Variants in MED13L observed in about 807,000 individuals in gnomAD.
MED13L encodes mediator complex subunit 13L, also known as mediator of RNA polymerase II transcription subunit 13-like.
Under a neutral mutation model 220.9 loss-of-function variants are expected in MED13L, and 7 were observed. The ratio of observed to expected loss-of-function variants is 0.03; its 90% CI spans 0.02 to 0.06. The LOEUF is 0.06. MED13L is among the 10% of genes least tolerant of loss of function. The pLI is 1.00. For synonymous variants in MED13L, 1,011 were observed against 1,015.2 expected (o/e 1.00, Z 0.08); for missense variants, 1,965 against 2,760.5 (o/e 0.71, Z 6.46).
chr12:116,020,921 CAA>C (rs1880023735), intron 5 of MED13L, among the ~76,000 whole-genome samples: 1 of 152,030 alleles, frequency 6.6e-6, no homozygotes, highest in African/African-American at 2.4e-5. Flanking sequence ...TCACATCAAT[CAA>C]GAGAGAGACA....
chr12:116,040,029 G>C (rs1485505103), intron 4 of MED13L, among the ~76,000 whole-genome samples: 1 of 152,168 alleles, frequency 6.6e-6, no homozygotes, highest in Non-Finnish European at 1.5e-5. Context: ...CTTCTTTTAA[G>C]GGGGATGGGA....
intron 1 of MED13L, among the ~76,000 whole-genome samples, chr12:116,247,655 C>G (rs183705460): frequency 2.6e-5 from 4 of 152,134 alleles, no homozygotes; most frequent in African/African-American, 7.2e-5. Context: ...TGGTATTCCT[C>G]CATACAATGA....
chr12:116,237,375 C>T, intron 2 of MED13L, 93 bp downstream of exon 2: 1 of 1,038,392 alleles, frequency 9.6e-7, no homozygotes, highest in Non-Finnish European at 1.5e-6. Flanking sequence ...TAAGATCGTT[C>T]TTTTAGACAA....
At chr12:115,997,371 G>C (rs1878470452) in intron 14 of MED13L, 141 bp from the exon 15 acceptor site, 1 of 688,744 alleles carries the variant, frequency 1.5e-6, no homozygotes, top group Admixed American at 2.6e-5. Context: ...ATTAATAATG[G>C]AAGTGACTAA....
chr12:116,221,585 A>C (rs1868444085), intron 2 of MED13L, among the ~76,000 whole-genome samples: 2 of 152,112 alleles, frequency 1.3e-5, no homozygotes, highest in Non-Finnish European at 2.9e-5. Flanking sequence ...TCAAACCTTC[A>C]TTCATTCCTA....
At chr12:116,125,951 AAGAC>A (rs1190815583) in intron 2 of MED13L, among the ~76,000 whole-genome samples, 5 of 152,224 alleles carry the variant, frequency 3.3e-5, no homozygotes, top group African/African-American at 9.6e-5. Context: ...CAACTTTTAA[AAGAC>A]AGAATGTACA....
In MED13L at chr12:116,033,747, A is replaced by AGTGTGT. The variant is rs78671683; in HGVS notation, c.480-11152_480-11147dup. Among the ~76,000 whole-genome samples, 307 of 151,286 alleles carry AGTGTGT rather than the reference A, an allele frequency of 2.0e-3. 2 individuals are homozygous for AGTGTGT. Among genetic ancestry groups the AGTGTGT allele is most frequent in the Middle Eastern group, 3.4e-3 (1 of 294 alleles). The stretch of plus-strand genomic sequence containing the variant: ...TTGGTTCTCTAAAGTATGAATCATG[A>AGTGTGT]GTGTGTGTGTGTGTGTATGTGTGTA... On this transcript the variant is annotated intron_variant, in intron 4 of 30. Transcript: ENST00000281928.
chr12:116,125,875 T>A (rs1875543139), intron 2 of MED13L, among the ~76,000 whole-genome samples: 1 of 151,588 alleles, frequency 6.6e-6, no homozygotes, highest in Admixed American at 6.6e-5. Flanking sequence ...CATAAACAAC[T>A]ATGGTTTACA....
chr12:115,974,878 G>A (rs1378328710), intron 25 of MED13L, among the ~76,000 whole-genome samples: 1 of 152,042 alleles, frequency 6.6e-6, no homozygotes, highest in Non-Finnish European at 1.5e-5. Flanking sequence ...TCTTCTCCCT[G>A]ATTCAATATA....
In MED13L at chr12:116,215,955, TG is replaced by T. The variant is rs1487556663; in HGVS notation, c.310+21512del. ...GATCCACTAATGGTCTACTGAATGG[TG>T]GTAATGTATTAACCCAGTATTCAAG... is the stretch of plus-strand genomic sequence containing the variant. On this transcript the variant is annotated intron_variant, in intron 2 of 30. Transcript: ENST00000281928. Among the ~76,000 whole-genome samples the T allele has an allele frequency of 2.6e-5, 4 of 152,224 alleles. No individual in the cohort carries two copies. The East Asian group carries it at 7.7e-4, about 29-fold the overall frequency.
intron 23 of MED13L, among the ~76,000 whole-genome samples, chr12:115,979,095 G>A (rs2137258027): frequency 6.6e-6 from 1 of 152,274 alleles, no homozygotes; most frequent in East Asian, 1.9e-4. Flanking sequence ...AGGCAGCATT[G>A]ACCAACTAAC....
intron 7 of MED13L, among the ~76,000 whole-genome samples, chr12:116,018,293 A>G (rs564382554): frequency 1.3e-5 from 2 of 152,314 alleles, no homozygotes; most frequent in South Asian, 4.1e-4. Context: ...CTTTTCCCCA[A>G]TATCTTCTTT....
chr12:116,052,577 A>G (rs1170067381), intron 4 of MED13L, among the ~76,000 whole-genome samples: 2 of 152,272 alleles, frequency 1.3e-5, no homozygotes, highest in African/African-American at 4.8e-5. Context: ...TTTGTGGGGG[A>G]AAAGTTGGAA....
intron 3 of MED13L, among the ~76,000 whole-genome samples, chr12:116,107,837 A>G (rs1350940318): frequency 6.6e-6 from 1 of 152,298 alleles, no homozygotes; most frequent in East Asian, 1.9e-4. Context: ...CATGCCTGCA[A>G]TCCCAACTCT....
intron 2 of MED13L, among the ~76,000 whole-genome samples, chr12:116,145,663 T>C (rs1172260677): frequency 9.6e-6 from 1 of 104,452 alleles, no homozygotes; most frequent in Non-Finnish European, 1.7e-5. Context: ...TCAACTCTAT[T>C]TATTTATTTA....
At chr12:116,231,793 A>C (rs1212103823) in intron 2 of MED13L, among the ~76,000 whole-genome samples, 2 of 152,178 alleles carry the variant, frequency 1.3e-5, no homozygotes, top group Non-Finnish European at 2.9e-5. Context: ...AAATTGCCTC[A>C]AATAGTTTAG....
chr12:116,104,338 G>GC (rs1420303439), intron 3 of MED13L, among the ~76,000 whole-genome samples: 12 of 151,940 alleles, frequency 7.9e-5, no homozygotes, highest in African/African-American at 2.4e-4. Flanking sequence ...CACCTCTATT[G>GC]CATCACCTCT....
intron 25 of MED13L, among the ~76,000 whole-genome samples, chr12:115,974,744 C>T (rs1467967567): frequency 1.3e-5 from 2 of 151,952 alleles, no homozygotes; most frequent in Admixed American, 6.6e-5. Context: ...GTTGTGCCAC[C>T]AAAAAAACTA....
intron 16 of MED13L, among the ~76,000 whole-genome samples, chr12:115,994,097 T>C (rs1878248285): frequency 6.6e-6 from 1 of 152,160 alleles, no homozygotes; most frequent in Admixed American, 6.5e-5. Context: ...ACATTTCAAG[T>C]GGTCAACACC....
Sources: gnomAD v4.1 joint callset for allele counts (sites outside exome capture counted in the v4.1 genomes callset) on GRCh38, gnomAD v4.1.1 for gene constraint, MANE v1.5 for transcripts, NCBI Gene and HGNC (gene_info 2026-07-23, HGNC 2026-07-21) for gene names.